Variants in PIH1D2 observed in about 807,000 individuals in gnomAD.
PIH1D2 encodes PIH1 domain containing 2, also known as PIH1 domain-containing protein 2.
In PIH1D2, 25 loss-of-function variants were observed where a neutral mutation model predicts 31.2. The observed-to-expected ratio is 0.80, with a 90% CI of 0.58 to 1.12. The LOEUF (loss-of-function observed/expected upper bound fraction) is 1.12, where lower values mean the gene tolerates loss of function less well. Among genes scored for constraint, PIH1D2 ranks in the 50% most tolerant of loss-of-function variants. The probability of loss-of-function intolerance (pLI) is 0.00; values close to 1 mark genes in which losing one functional copy is unlikely to be tolerated. For synonymous variants in PIH1D2, 116 were observed against 119.9 expected (o/e 0.97, Z 0.21); for missense variants, 310 against 356.6 (o/e 0.87, Z 1.05).
At position 112,067,901 on chromosome 11, in the gene PIH1D2, G is replaced by A; in HGVS notation, c.918C>T (p.Ser306=). The A allele has an allele frequency of 1.2e-6, 2 of 1,611,784 alleles. No homozygotes were observed. The highest frequency in any genetic ancestry group is 1.7e-6 in the Non-Finnish European group (2 of 1,178,998). ...MTTAKFIKEK[S]TLIITMPLV is the part of the protein sequence containing the mutation. ...CCAAAGGCATTGTGATGATTAGCGT[G>A]GATTTTTCTTTGATAAATTTTGCTG... is the stretch of plus-strand genomic sequence containing the variant. Residue 306 remains serine, a synonymous_variant, in exon 6 of 6, where the codon TCC becomes TCT. Coordinates refer to ENST00000280350, the MANE Select transcript of PIH1D2 (RefSeq NM_138789.4).
chr11:112,056,465 T>C, the PIH1D2 span, among the ~76,000 whole-genome samples: 1 of 152,260 alleles, frequency 6.6e-6, no homozygotes, highest in African/African-American at 2.4e-5. Context: ...ATCTACTTTC[T>C]TTCACTTAAC....
At chr11:112,059,480 C>A (rs1177072553), downstream of PIH1D2, among the ~76,000 whole-genome samples, 1 of 151,916 alleles carries the variant, frequency 6.6e-6, no homozygotes, top group East Asian at 1.9e-4. Flanking sequence ...GCAACCTCCA[C>A]CTCCCAGGTT....
chr11:112,057,075 G>C, the PIH1D2 span, among the ~76,000 whole-genome samples: 6 of 152,128 alleles, frequency 3.9e-5, no homozygotes, highest in African/African-American at 1.4e-4. Flanking sequence ...TGTGATCAAG[G>C]ATCTTTGATG....
chr11:112,063,695 A>T (rs1304944639), downstream of PIH1D2: 1 of 152,432 alleles, frequency 6.6e-6, no homozygotes, highest in Non-Finnish European at 1.5e-5. Flanking sequence ...AGAAAAAATT[A>T]ACTAGGTTGC....
Position 112,070,699 on chromosome 11 carries a change from G to C in PIH1D2, c.550C>G (p.Leu184Val). The C allele has an allele frequency of 6.2e-7, 1 of 1,608,022 alleles. No individual in the cohort carries two copies. The highest frequency in any genetic ancestry group is 8.5e-7 in the Non-Finnish European group (1 of 1,176,566). ...IDLREKMRRE[L>V]TLGQIRSSTM... The stretch of plus-strand genomic sequence containing the variant: ...CTGCTTCGTATCTGTCCAAGAGTTA[G>C]TTCTTTATGAAAAAAAGGGTGGAGG... The change falls in exon 5 of 6, where the codon CTA (leucine) becomes GTA (valine). Residue 184 changes from leucine (L) to valine (V), a missense_variant and splice_region_variant. By Grantham distance (32) the Leu-to-Val change is conservative. Transcript: ENST00000280350.
downstream of PIH1D2, chr11:112,064,448 A>C: frequency 2.0e-6 from 1 of 490,816 alleles, no homozygotes; most frequent in Non-Finnish European, 3.6e-6. Context: ...AATTATTTAG[A>C]TCTAGGGACA....
At chr11:112,054,676 A>G in the PIH1D2 span, among the ~76,000 whole-genome samples, 1 of 152,202 alleles carries the variant, frequency 6.6e-6, no homozygotes, top group East Asian at 1.9e-4. Context: ...TATAAACTGT[A>G]TAGTTTTCCA....
intron 5 of PIH1D2, among the ~76,000 whole-genome samples, chr11:112,068,973 ATTTTTTTTGTT>A (rs1865019674): frequency 2.2e-5 from 3 of 134,396 alleles, no homozygotes; most frequent in African/African-American, 9.1e-5. Flanking sequence ...AAACCTCTGA[ATTTTTTTTGTT>A]TTTTTTTTTT....
chr11:112,068,366 T>C (rs1865001914), intron 5 of PIH1D2, among the ~76,000 whole-genome samples: 1 of 152,208 alleles, frequency 6.6e-6, no homozygotes, highest in African/African-American at 2.4e-5. Flanking sequence ...CTGTGCCTAG[T>C]TGATTTGTGG....
chr11:112,053,500 T>C, the PIH1D2 span, among the ~76,000 whole-genome samples: 1 of 152,122 alleles, frequency 6.6e-6, no homozygotes, highest in Non-Finnish European at 1.5e-5. Context: ...TCGCCTAGGC[T>C]AGAGTGCAGT....
At chr11:112,073,432 T>G (rs1287916421) in intron 1 of PIH1D2, among the ~76,000 whole-genome samples, 1 of 152,112 alleles carries the variant, frequency 6.6e-6, no homozygotes, top group African/African-American at 2.4e-5. Flanking sequence ...TTACTTCTAT[T>G]TGGACCCTGA....
At chr11:112,059,753 GGATA>G (rs1209338660), downstream of PIH1D2, 3 of 619,306 alleles carry the variant, frequency 4.8e-6, no homozygotes, top group Non-Finnish European at 8.1e-6. Context: ...GTAAAAATTA[GGATA>G]GACATCTTAA....
chr11:112,053,765 T>A, the PIH1D2 span, among the ~76,000 whole-genome samples: 2 of 152,166 alleles, frequency 1.3e-5, no homozygotes, highest in African/African-American at 4.8e-5. Flanking sequence ...TAAACACAGC[T>A]TTTAAACTAT....
intron 5 of PIH1D2, 63 bp from the exon 6 acceptor site, chr11:112,068,068 C>T: frequency 1.7e-6 from 2 of 1,151,632 alleles, no homozygotes; most frequent in South Asian, 2.8e-5. Context: ...ACTTATTGTT[C>T]CCAGTTATTC....
chr11:112,055,848 CTTTTTTTTTTTTTTTTTTTTTTTTT>C, the PIH1D2 span, among the ~76,000 whole-genome samples: 13 of 31,992 alleles, frequency 4.1e-4, no homozygotes, highest in East Asian at 5.2e-3. Flanking sequence ...CATATAGACA[CTTTTTTTTTTTTTTTTTTTTTTTTT>C]TTTTTTTTTT....
downstream of PIH1D2, among the ~76,000 whole-genome samples, chr11:112,059,051 TAA>T (rs782171316): frequency 1.0e-4 from 14 of 140,112 alleles, no homozygotes; most frequent in Admixed American, 7.2e-5. Context: ...TGATATTGTG[TAA>T]AAAAAAAAAA....
At chr11:112,070,840 T>A in intron 4 of PIH1D2, 139 bp from the exon 5 acceptor site, 1 of 1,242,350 alleles carries the variant, frequency 8.0e-7, no homozygotes, top group East Asian at 2.6e-5. Context: ...GCCAAAAGAA[T>A]CTTAAACCAA....
downstream of PIH1D2, among the ~76,000 whole-genome samples, chr11:112,067,050 G>A (rs988717755): frequency 6.6e-6 from 1 of 152,028 alleles, no homozygotes; most frequent in Non-Finnish European, 1.5e-5. Flanking sequence ...GCAACACAGC[G>A]AGACTCAGTC....
chr11:112,066,363 G>A (rs587732661), downstream of PIH1D2, among the ~76,000 whole-genome samples: 5 of 152,146 alleles, frequency 3.3e-5, no homozygotes, highest in South Asian at 8.3e-4. Context: ...TTTGCAGGCC[G>A]GGCGTGGTGG....
Sources: gnomAD v4.1 joint callset for allele counts (sites outside exome capture counted in the v4.1 genomes callset) on GRCh38, gnomAD v4.1.1 for gene constraint, MANE v1.5 for transcripts, NCBI Gene and HGNC (gene_info 2026-07-23, HGNC 2026-07-21) for gene names.